The following MEI4 variants were observed in gnomAD, a reference collection of about 807,000 sequenced individuals.
MEI4 encodes the protein meiotic double-stranded break formation protein 4, also known as meiosis-specific protein MEI4.
Under a neutral mutation model 31.4 loss-of-function variants are expected in MEI4, and 27 were observed. That is an observed-to-expected ratio of 0.86 (90% CI 0.63 to 1.19). The LOEUF (loss-of-function observed/expected upper bound fraction) is 1.19. Among genes scored for constraint, MEI4 ranks in the 50% most tolerant of loss-of-function variants. The pLI, the probability that MEI4 is intolerant of heterozygous loss-of-function variation, is 0.00. For missense variants in MEI4, 329 were observed against 398.9 expected (o/e 0.82, Z 1.49); for synonymous variants, 122 against 145.4 (o/e 0.84, Z 1.16).
At position 77,851,383 on chromosome 6, in the gene MEI4, C is replaced by G. The variant is rs1233228302; in HGVS notation, c.900+22321C>G. Among the ~76,000 whole-genome samples, 18 of 152,106 alleles carry G rather than the reference C, an allele frequency of 1.2e-4. No individual in the cohort carries two copies. In the East Asian group the frequency reaches 3.5e-3, roughly 29 times the overall value. On this transcript the variant is annotated intron_variant, in intron 4 of 4. Transcript: ENST00000684080. Reference sequence around the variant, plus strand: ...CACAATAGCAAAGTCTTGGAACCACCCCAAATGTCCATCAATGATAGACTG... The same window carrying G: ...CACAATAGCAAAGTCTTGGAACCACGCCAAATGTCCATCAATGATAGACTG...
intron 4 of MEI4, among the ~76,000 whole-genome samples, chr6:77,853,332 C>G (rs1275337529): frequency 6.6e-6 from 1 of 152,144 alleles, no homozygotes; most frequent in East Asian, 1.9e-4. Flanking sequence ...ATAATCTAGA[C>G]CAATCCTTGC....
chr6:77,821,358 G>C (rs760667127), intron 3 of MEI4, among the ~76,000 whole-genome samples: 6 of 152,114 alleles, frequency 3.9e-5, no homozygotes, highest in Non-Finnish European at 7.4e-5. Context: ...ACTGAACTAA[G>C]AGTGTTTTCC....
intron 2 of MEI4, among the ~76,000 whole-genome samples, chr6:77,731,084 A>C (rs1241229042): frequency 4.6e-5 from 7 of 151,886 alleles, no homozygotes; most frequent in Non-Finnish European, 7.4e-5. Flanking sequence ...GCCTCAATAA[A>C]CATATGTGTG....
At chr6:77,781,262 A>G (rs1239262410) in intron 3 of MEI4, among the ~76,000 whole-genome samples, 1 of 152,150 alleles carries the variant, frequency 6.6e-6, no homozygotes, top group African/African-American at 2.4e-5. Flanking sequence ...CTGATACTGT[A>G]TCACATGATA....
chr6:77,896,238 G>A (rs1766082146), intron 4 of MEI4, among the ~76,000 whole-genome samples: 1 of 152,052 alleles, frequency 6.6e-6, no homozygotes, highest in Non-Finnish European at 1.5e-5. Context: ...TTATATTAAT[G>A]TGGCATCTAT....
rs192018901 is a variant in MEI4 at position 77,755,082 on chromosome 6, G to A, written c.233-6048G>A. The stretch of plus-strand genomic sequence containing the variant: ...ACAGTTGGTGGCACCTGTAATTCCC[G>A]TGATTTGGGAAGCTGAAGTGGAAGG... On this transcript the variant is annotated intron_variant, in intron 2 of 4. Coordinates refer to ENST00000684080, the MANE Select transcript of MEI4 (RefSeq NM_001322247.2). Among the ~76,000 whole-genome samples the A allele has an allele frequency of 1.4e-4, 21 of 152,196 alleles. No individual in the cohort carries two copies. In the East Asian group the frequency reaches 3.3e-3, roughly 24 times the overall value.
At chr6:77,842,163 T>C (rs1240194859) in intron 4 of MEI4, among the ~76,000 whole-genome samples, 1 of 152,150 alleles carries the variant, frequency 6.6e-6, no homozygotes, top group Non-Finnish European at 1.5e-5. Context: ...GATACCATTC[T>C]AGACCACGAA....
At chr6:77,822,955 AT>A (rs1769861865) in intron 3 of MEI4, among the ~76,000 whole-genome samples, 1 of 152,110 alleles carries the variant, frequency 6.6e-6, no homozygotes, top group African/African-American at 2.4e-5. Flanking sequence ...ATGTTATTTT[AT>A]TTTTTATTGA....
chr6:77,823,715 A>G (rs903702499), intron 3 of MEI4, among the ~76,000 whole-genome samples: 4 of 152,184 alleles, frequency 2.6e-5, no homozygotes, highest in Non-Finnish European at 1.5e-5. Context: ...TGGTTTAGAC[A>G]ATACATTTTT....
At chr6:77,841,333 A>ATATTT in intron 4 of MEI4, among the ~76,000 whole-genome samples, 14 of 27,738 alleles carry the variant, frequency 5.0e-4, no homozygotes, top group African/African-American at 2.0e-3. Flanking sequence ...ATATATATAT[A>ATATTT]TTTTTTTTTT....
At chr6:77,918,765 TCTC>T (rs1766628429) in intron 4 of MEI4, among the ~76,000 whole-genome samples, 1 of 151,844 alleles carries the variant, frequency 6.6e-6, no homozygotes, top group South Asian at 2.1e-4. Context: ...TTTATTTCCT[TCTC>T]CTGCCTAATT....
At chr6:77,665,767 A>G (rs1024741597) in intron 1 of MEI4, among the ~76,000 whole-genome samples, 3 of 152,184 alleles carry the variant, frequency 2.0e-5, no homozygotes, top group African/African-American at 2.4e-5. Context: ...AATTAAGAGA[A>G]GGGAGAGATT....
Position 77,853,652 on chromosome 6 carries a change from A to G in MEI4, c.900+24590A>G, listed in dbSNP as rs181475006. On this transcript the variant is annotated intron_variant, in intron 4 of 4. Transcript: ENST00000684080. Reference sequence around the variant, plus strand: ...TCTGGAGAAGTATTGCTTTCTGTGAAAATGTTGAGGTTTAGTATTTCAGAA... The same window carrying G: ...TCTGGAGAAGTATTGCTTTCTGTGAGAATGTTGAGGTTTAGTATTTCAGAA... Among the ~76,000 whole-genome samples the G allele has an allele frequency of 1.4e-3, 209 of 152,272 alleles. 1 individual carries two copies. Among genetic ancestry groups the G allele is most frequent in the African/African-American group, 4.4e-3 (183 of 41,572 alleles).
At chr6:77,710,871 A>G (rs1766448074) in intron 2 of MEI4, among the ~76,000 whole-genome samples, 1 of 152,124 alleles carries the variant, frequency 6.6e-6, no homozygotes, top group African/African-American at 2.4e-5. Context: ...GTGAACTATT[A>G]TTTTTTCTAT....
intron 4 of MEI4, among the ~76,000 whole-genome samples, chr6:77,912,068 C>G (rs867145840): frequency 6.6e-6 from 1 of 151,966 alleles, no homozygotes; most frequent in Non-Finnish European, 1.5e-5. Context: ...TATTTAACAT[C>G]ATTTACTAAT....
intron 2 of MEI4, among the ~76,000 whole-genome samples, chr6:77,750,176 G>T (rs1177461196): frequency 1.3e-5 from 2 of 152,126 alleles, no homozygotes; most frequent in African/African-American, 2.4e-5. Flanking sequence ...ATACCAAATT[G>T]TAAAGACTAT....
intron 4 of MEI4, among the ~76,000 whole-genome samples, chr6:77,863,301 G>A (rs1770919636): frequency 6.6e-6 from 1 of 152,098 alleles, no homozygotes. Context: ...AAAGGAGGAA[G>A]TTCGAACCCA....
chr6:77,749,329 G>A (rs1307544440), intron 2 of MEI4, among the ~76,000 whole-genome samples: 1 of 152,088 alleles, frequency 6.6e-6, no homozygotes, highest in Non-Finnish European at 1.5e-5. Context: ...CCAAGCTAAA[G>A]GAGCATGTTC....
At position 77,785,249 on chromosome 6, in the gene MEI4, T is replaced by C. The variant is rs569093643; in HGVS notation, c.768+23584T>C. 1.4e-3 allele frequency among the ~76,000 whole-genome samples: 213 copies of C among 152,282 alleles called. 1 individual carries two copies. The highest frequency in any genetic ancestry group is 4.5e-3 in the African/African-American group (187 of 41,568). On this transcript the variant is annotated intron_variant, in intron 3 of 4. Coordinates refer to ENST00000684080, the MANE Select transcript of MEI4 (RefSeq NM_001322247.2). ...TTTGTAAAACTTTATGCAAATACTA[T>C]TATTTTACTCTTAAATGCAGCTCTC...
Sources: allele counts gnomAD v4.1 joint callset (sites outside exome capture counted in the v4.1 genomes callset), GRCh38; gene constraint gnomAD v4.1.1; transcripts MANE v1.5; gene names NCBI Gene and HGNC (gene_info 2026-07-23, HGNC 2026-07-21).